RBFOX3: variants seen among roughly 807,000 people sequenced by gnomAD.
RBFOX3 encodes the protein RNA binding fox-1 homolog 3.
In RBFOX3, 17 loss-of-function variants were observed where a neutral mutation model predicts 48.7. The ratio of observed to expected loss-of-function variants is 0.35; its 90% CI spans 0.24 to 0.52. The LOEUF (loss-of-function observed/expected upper bound fraction) is 0.52, where lower values mean the gene tolerates loss of function less well. Among genes scored for constraint, RBFOX3 ranks in the 20% least tolerant of loss-of-function variants. The pLI, the probability that RBFOX3 is intolerant of heterozygous loss-of-function variation, is 0.94. For synonymous variants in RBFOX3, 212 were observed against 209.5 expected (o/e 1.01, Z -0.10); for missense variants, 382 against 497.5 (o/e 0.77, Z 2.21).
At chr17:79,585,414 G>A (rs2093217391) in intron 1 of RBFOX3, among the ~76,000 whole-genome samples, 1 of 151,750 alleles carries the variant, frequency 6.6e-6, no homozygotes, top group Non-Finnish European at 1.5e-5. Flanking sequence ...AAAATGAGCT[G>A]GGTATGGTTG....
chr17:79,401,715 T>C (rs895254092), intron 2 of RBFOX3, among the ~76,000 whole-genome samples: 1 of 152,186 alleles, frequency 6.6e-6, no homozygotes, highest in Non-Finnish European at 1.5e-5. Flanking sequence ...AGTTCCTACA[T>C]GGGGCGTCCT....
At chr17:79,659,390 G>C in the RBFOX3 span, among the ~76,000 whole-genome samples, 1 of 152,168 alleles carries the variant, frequency 6.6e-6, no homozygotes, top group East Asian at 1.9e-4. Context: ...TTGCTTTAAG[G>C]GGGTGACTTG....
chr17:79,231,000 G>C (rs1481016951), intron 4 of RBFOX3, among the ~76,000 whole-genome samples: 3 of 152,094 alleles, frequency 2.0e-5, no homozygotes, highest in African/African-American at 7.2e-5. Context: ...ATACAGTGAA[G>C]GGCAGTGATC....
intron 1 of RBFOX3, among the ~76,000 whole-genome samples, chr17:79,485,504 G>A (rs1270638416): frequency 6.7e-6 from 1 of 150,324 alleles, no homozygotes; most frequent in Non-Finnish European, 1.5e-5. Context: ...CTGAAACCCA[G>A]GCCGCCTTCT....
intron 4 of RBFOX3, among the ~76,000 whole-genome samples, chr17:79,215,961 G>T (rs1160722831): frequency 6.6e-6 from 1 of 152,258 alleles, no homozygotes; most frequent in African/African-American, 2.4e-5. Context: ...CCAGAGTCAG[G>T]TTTAACCCGA....
chr17:79,337,361 C>T (rs916572158), intron 2 of RBFOX3, among the ~76,000 whole-genome samples: 8 of 152,226 alleles, frequency 5.3e-5, no homozygotes, highest in Admixed American at 2.0e-4. Context: ...TCAAAGCCCA[C>T]GCACAGCACA....
intron 4 of RBFOX3, among the ~76,000 whole-genome samples, chr17:79,215,164 G>T (rs1483540472): frequency 6.6e-6 from 1 of 152,202 alleles, no homozygotes; most frequent in Non-Finnish European, 1.5e-5. Flanking sequence ...GGGGGAAGTG[G>T]GAGGGAGGTG....
chr17:79,584,487 G>T (rs1258087224), intron 1 of RBFOX3, among the ~76,000 whole-genome samples: 1 of 152,152 alleles, frequency 6.6e-6, no homozygotes, highest in African/African-American at 2.4e-5. Context: ...TATGGAACCA[G>T]GCCAAATGCC....
Position 79,214,690 on chromosome 17 carries a change from C to T in RBFOX3, c.-34+21076G>A, listed in dbSNP as rs1323257967. On this transcript the variant is annotated intron_variant, in intron 4 of 14. Transcript: ENST00000693108. The surrounding 1 kb of genome is among the most constrained non-coding windows in gnomAD (Gnocchi z 4.7). ...CCCAGGTTCCTGGGAGGGTGGCCAT[C>T]TGGGAAGCCCAGGAGGGGAGGCTGG... is the stretch of plus-strand genomic sequence containing the variant. Among the ~76,000 whole-genome samples the T allele has an allele frequency of 6.6e-6, 1 of 151,930 alleles. No homozygotes were observed. Among genetic ancestry groups the T allele is most frequent in the Non-Finnish European group, 1.5e-5 (1 of 67,944 alleles).
intron 2 of RBFOX3, among the ~76,000 whole-genome samples, chr17:79,417,070 A>G (rs1426945277): frequency 1.3e-5 from 2 of 152,214 alleles, no homozygotes; most frequent in South Asian, 2.1e-4. Flanking sequence ...CCAGCTCTGC[A>G]TAAGGGGCAC....
rs571713863 is a variant in RBFOX3, at chr17:79,535,779, C to T, written c.-319-53181G>A. Among the ~76,000 whole-genome samples the T allele has an allele frequency of 6.0e-4, 91 of 152,306 alleles. No individual in the cohort carries two copies. The highest frequency in any genetic ancestry group is 9.0e-4 in the Non-Finnish European group (61 of 68,030). On this transcript the variant is annotated intron_variant, in intron 1 of 14. Coordinates refer to ENST00000693108, the MANE Select transcript of RBFOX3 (RefSeq NM_001350451.2). This position sits in a 1 kb window ranked among gnomAD's most constrained non-coding sequence, Gnocchi z 4.5. ...CTGAGCCGTCTGCATTTGCTAGGGC[C>T]ACCAGCTGCCACTTACTCCAAGGAA... is the stretch of plus-strand genomic sequence containing the variant.
intron 4 of RBFOX3, among the ~76,000 whole-genome samples, chr17:79,120,317 C>CATGG (rs2035348809): frequency 6.6e-6 from 1 of 151,750 alleles, no homozygotes; most frequent in Admixed American, 6.6e-5. Context: ...CGTATGTATG[C>CATGG]ATGGATGGAT....
intron 1 of RBFOX3, among the ~76,000 whole-genome samples, chr17:79,502,462 C>T (rs1481335749): frequency 5.3e-5 from 8 of 152,192 alleles, no homozygotes. Flanking sequence ...GGTGTGTTCA[C>T]TTAATGTCAC....
Position 79,362,737 on chromosome 17 carries a change from G to T in RBFOX3, c.-174-54913C>A, listed in dbSNP as rs1000687975. ...CTGCACAGGCTCATTAGAGACCATG[G>T]GATGGGGCCTCCGAGGAGCTCTGGG... On this transcript the variant is annotated intron_variant, in intron 2 of 14. Transcript: ENST00000693108. The surrounding 1 kb of genome is among the most constrained non-coding windows in gnomAD (Gnocchi z 4.2). Among the ~76,000 whole-genome samples the T allele has an allele frequency of 1.3e-5, 2 of 152,188 alleles. No homozygotes were observed.
At chr17:79,308,594 T>C (rs992215428) in intron 2 of RBFOX3, among the ~76,000 whole-genome samples, 5 of 152,172 alleles carry the variant, frequency 3.3e-5, no homozygotes, top group African/African-American at 1.2e-4. Context: ...GTCCGAGTGT[T>C]TCTGTTCCCT....
rs80107352 is a variant in RBFOX3 at position 79,251,971 on chromosome 17, C to G, written c.-73-16166G>C. Among the ~76,000 whole-genome samples, 1,183 of 152,298 alleles carry G rather than the reference C, an allele frequency of 7.8e-3. 14 individuals are homozygous for G. Among genetic ancestry groups the G allele is most frequent in the African/African-American group, 0.027 (1,135 of 41,566 alleles). The stretch of plus-strand genomic sequence containing the variant: ...AAAAGACTGAGCCCTCTCACTCTAC[C>G]CAGCAGCCTCTTACTCACCTGGAGA... On this transcript the variant is annotated intron_variant, in intron 3 of 14. Coordinates refer to ENST00000693108, the MANE Select transcript of RBFOX3 (RefSeq NM_001350451.2).
chr17:79,538,451 G>A lies in RBFOX3; in HGVS notation c.-319-55853C>T, dbSNP rs1244851832. On this transcript the variant is annotated intron_variant, in intron 1 of 14. Coordinates refer to ENST00000693108, the MANE Select transcript of RBFOX3 (RefSeq NM_001350451.2). ...AGTGAAGGGCAAGTTTGGCCTTGCG[G>A]GAGGCAGGGACAACCACAGTCAGGG... Among the ~76,000 whole-genome samples the A allele has an allele frequency of 2.0e-5, 3 of 152,226 alleles. No homozygotes were observed. The East Asian group carries it at 5.8e-4, about 29-fold the overall frequency.
intron 2 of RBFOX3, among the ~76,000 whole-genome samples, chr17:79,332,502 G>T (rs2080473873): frequency 6.9e-6 from 1 of 144,914 alleles, no homozygotes; most frequent in Non-Finnish European, 1.5e-5. Flanking sequence ...ACGGGGTGCA[G>T]AGGGGAGGGG....
chr17:79,338,201 A>T (rs1019583370), intron 2 of RBFOX3, among the ~76,000 whole-genome samples: 3 of 152,092 alleles, frequency 2.0e-5, no homozygotes, highest in Non-Finnish European at 4.4e-5. Flanking sequence ...AGCCTCCCAA[A>T]GTGCTGGGGT....
Sources: allele counts gnomAD v4.1 joint callset (sites outside exome capture counted in the v4.1 genomes callset), GRCh38; gene constraint gnomAD v4.1.1; non-coding constraint Gnocchi (gnomAD v3.1); transcripts MANE v1.5; gene names NCBI Gene and HGNC (gene_info 2026-07-23, HGNC 2026-07-21).